CREB5: variants seen among roughly 807,000 people sequenced by gnomAD.
CREB5 encodes the protein cyclic AMP-responsive element-binding protein 5.
CREB5 carries 19 observed loss-of-function variants against 57.1 expected under a neutral mutation model. That is an observed-to-expected ratio of 0.33 (90% CI 0.23 to 0.49). The LOEUF is 0.49. Among genes scored for constraint, CREB5 ranks in the 20% least tolerant of loss-of-function variants. The pLI is 0.99. For synonymous variants in CREB5, 238 were observed against 238.3 expected (o/e 1.00, Z 0.01); for missense variants, 579 against 671.6 (o/e 0.86, Z 1.52).
rs757234943 is a variant in CREB5 at position 28,819,262 on chromosome 7, C to G, written c.1510C>G (p.Leu504Val). 2 of 1,613,322 alleles carry G rather than the reference C, an allele frequency of 1.2e-6. No homozygotes were observed. The highest frequency in any genetic ancestry group is 1.7e-6 in the Non-Finnish European group (2 of 1,179,638). The part of the protein sequence containing the change: ...LSQLTTHRTD[L>V]NPIL ...CCAGCTCACCACTCACAGAACAGAC[C>G]TGAATCCGATTCTTTAAAATGCACC... The change falls in exon 11 of 11, where the codon CTG (leucine) becomes GTG (valine). Residue 504 changes from leucine (L) to valine (V), a missense_variant. Leu to Val is a conservative substitution (Grantham distance 32). Around this residue, in one of 3 missense-constraint regions of CREB5, gnomAD observed 114 missense variants for 130.8 expected, o/e 0.87. Coordinates refer to ENST00000357727, the MANE Select transcript of CREB5 (RefSeq NM_182898.4).
At chr7:28,408,439 C>A (rs182025246), upstream of CREB5, among the ~76,000 whole-genome samples, 1 of 152,238 alleles carries the variant, frequency 6.6e-6, no homozygotes, top group East Asian at 1.9e-4. Context: ...TGGTGACGGC[C>A]GGATACTGGA....
intron 5 of CREB5, among the ~76,000 whole-genome samples, chr7:28,630,924 G>C (rs545654576): frequency 6.6e-6 from 1 of 152,080 alleles, no homozygotes; most frequent in Non-Finnish European, 1.5e-5. Flanking sequence ...TATGAGGTAC[G>C]TATGACTCTT....
chr7:28,678,990 G>C (rs1455728566), intron 5 of CREB5, among the ~76,000 whole-genome samples: 1 of 149,584 alleles, frequency 6.7e-6, no homozygotes, highest in South Asian at 2.1e-4. Flanking sequence ...CTTAGTTTAA[G>C]CTTGCCTTTT....
chr7:28,693,456 C>G (rs558225455), intron 5 of CREB5, among the ~76,000 whole-genome samples: 1 of 152,194 alleles, frequency 6.6e-6, no homozygotes, highest in South Asian at 2.1e-4. Flanking sequence ...CCTCTTGCAG[C>G]CTTTTGGGCC....
intron 5 of CREB5, among the ~76,000 whole-genome samples, chr7:28,673,718 G>A (rs1468361418): frequency 7.1e-6 from 1 of 139,976 alleles, no homozygotes; most frequent in Non-Finnish European, 1.5e-5. Flanking sequence ...TGCCACCCAG[G>A]CGGGAGTGCA....
chr7:28,469,971 G>T (rs909519601), intron 1 of CREB5, among the ~76,000 whole-genome samples: 2 of 151,922 alleles, frequency 1.3e-5, no homozygotes, highest in Non-Finnish European at 2.9e-5. Context: ...TACTTATGGG[G>T]TACATGAGAT....
intron 5 of CREB5, among the ~76,000 whole-genome samples, chr7:28,664,067 T>TC (rs1257044787): frequency 1.3e-5 from 2 of 152,328 alleles, no homozygotes; most frequent in African/African-American, 4.8e-5. Flanking sequence ...TTCTAGCAAG[T>TC]CCTTAGGTGA....
intron 1 of CREB5, among the ~76,000 whole-genome samples, chr7:28,370,475 A>T (rs1310503084): frequency 6.6e-6 from 1 of 152,228 alleles, no homozygotes; most frequent in Non-Finnish European, 1.5e-5. Context: ...TCATTCAAGA[A>T]TTGAAAGTAA....
rs1316848150 is a variant in CREB5, at chr7:28,300,525, G to A, written c.-25+1084G>A. 3.3e-5 allele frequency among the ~76,000 whole-genome samples: 5 copies of A among 152,210 alleles called. No homozygotes were observed. In the South Asian group the frequency reaches 6.2e-4, roughly 19 times the overall value. ...GTGCGTAGTACCTGTGGGGACAAAG[G>A]TGCATTCAAAACAGCCCATGCTTTT... On this transcript the variant is annotated intron_variant, in intron 1 of 9. Transcript: ENST00000396299.
chr7:28,789,561 AAT>A (rs1376861837), intron 7 of CREB5, among the ~76,000 whole-genome samples: 1 of 152,190 alleles, frequency 6.6e-6, no homozygotes, highest in African/African-American at 2.4e-5. Context: ...TCCTTTTGAT[AAT>A]ATAGTTAATT....
At position 28,577,195 on chromosome 7, in the gene CREB5, A is replaced by G. The variant is rs984451798; in HGVS notation, c.464+6658A>G. ...TTACCTACATATAAAGGGGTTAGCC[A>G]ATTAATTGAGTCAGTCTCAGCTCCA... On this transcript the variant is annotated intron_variant, in intron 5 of 10. Transcript: ENST00000357727. 4.6e-5 allele frequency among the ~76,000 whole-genome samples: 7 copies of G among 152,314 alleles called. No homozygotes were observed. The East Asian group carries it at 1.2e-3, about 25-fold the overall frequency.
At chr7:28,783,681 C>T (rs73077899) in intron 7 of CREB5, among the ~76,000 whole-genome samples, 6,680 of 152,160 alleles carry the variant, frequency 0.044, 212 homozygotes, top group Middle Eastern at 0.075. Flanking sequence ...TTGACAGGGG[C>T]CTTGGGGGGA....
intron 7 of CREB5, among the ~76,000 whole-genome samples, chr7:28,745,156 A>G (rs545415507): frequency 1.6e-4 from 25 of 152,336 alleles, no homozygotes; most frequent in African/African-American, 6.0e-4. Context: ...CTGTAGAGGA[A>G]GGCAAACAGT....
chr7:28,743,129 A>G (rs1051305405), intron 7 of CREB5, among the ~76,000 whole-genome samples: 1 of 152,186 alleles, frequency 6.6e-6, no homozygotes, highest in Non-Finnish European at 1.5e-5. Context: ...ATGACAGTGT[A>G]GGCCCTAAGG....
intron 5 of CREB5, chr7:28,615,441 G>C (rs1379758643): frequency 6.6e-6 from 1 of 152,336 alleles, no homozygotes; most frequent in Non-Finnish European, 1.5e-5. Flanking sequence ...GGACCACTTA[G>C]GGCTCACCTA....
chr7:28,425,313 A>G (rs1331215416), intron 1 of CREB5, among the ~76,000 whole-genome samples: 3 of 152,122 alleles, frequency 2.0e-5, no homozygotes, highest in East Asian at 3.9e-4. Context: ...AACCTTGAAA[A>G]CATGCTCAGA....
intron 2 of CREB5, among the ~76,000 whole-genome samples, chr7:28,489,662 A>C (rs1199338082): frequency 1.3e-4 from 20 of 152,134 alleles, no homozygotes; most frequent in Admixed American, 1.2e-3. Flanking sequence ...TTTTGGAAGG[A>C]AGAGGCCATA....
intron 7 of CREB5, among the ~76,000 whole-genome samples, chr7:28,766,070 C>T (rs973096889): frequency 7.6e-6 from 1 of 131,256 alleles, no homozygotes; most frequent in East Asian, 2.4e-4. Context: ...AAACAGAAGT[C>T]CTAATACACA....
chr7:28,573,598 T>G (rs1488851930), intron 5 of CREB5, among the ~76,000 whole-genome samples: 3 of 152,216 alleles, frequency 2.0e-5, no homozygotes, highest in Non-Finnish European at 4.4e-5. Flanking sequence ...CTATCAGTGC[T>G]TGGCTGCTGC....
Sources: allele counts gnomAD v4.1 joint callset (sites outside exome capture counted in the v4.1 genomes callset), GRCh38; gene constraint gnomAD v4.1.1; regional missense constraint gnomAD v4.1.1; transcripts MANE v1.5; gene names NCBI Gene and HGNC (gene_info 2026-07-23, HGNC 2026-07-21).